TWF2: variants seen among roughly 807,000 people sequenced by gnomAD.
TWF2 encodes twinfilin actin binding protein 2, also known as twinfilin-2.
A neutral mutation model predicts 45.1 loss-of-function variants in TWF2; 15 were observed. The ratio of observed to expected loss-of-function variants is 0.33; its 90% CI spans 0.22 to 0.51. The LOEUF (loss-of-function observed/expected upper bound fraction) is 0.51. TWF2 is among the 20% of genes least tolerant of loss of function. TWF2 has a pLI of 0.97. For synonymous variants in TWF2, 177 were observed against 195.8 expected (o/e 0.90, Z 0.80); for missense variants, 423 against 469.1 (o/e 0.90, Z 0.91).
chr3:52,231,145 C>T lies in TWF2; in HGVS notation c.465G>A (p.Gln155=). 1.2e-6 allele frequency: 2 copies of T among 1,614,090 alleles called. No individual in the cohort carries two copies. Among genetic ancestry groups the T allele is most frequent in the Non-Finnish European group, 1.7e-6 (2 of 1,179,972 alleles). Residue 155 remains glutamine, a synonymous_variant, in exon 5 of 9, where the codon CAG becomes CAA. Coordinates refer to ENST00000305533, the MANE Select transcript of TWF2 (RefSeq NM_007284.4). ...CACCCACCTCGTTAATGCGGATCTG[C>T]TGGAGCTCTCTCTCAGCCGAGGTCA... The part of the protein sequence containing the change: ...APLTSAEREL[Q]QIRINEVKTE...
rs751974151 is a variant in TWF2 at position 52,229,173 on chromosome 3, G to A, written c.911C>T (p.Thr304Met). ...CACCTCGTCGTAGAGGAACTCTGCC[G>A]TCAGCTCTGCCCCATCGCCAATCTC... is the stretch of plus-strand genomic sequence containing the variant. ...KIEIGDGAELTAEFLYDEVHP... is the reference protein window; with the variant it reads ...KIEIGDGAELMAEFLYDEVHP... The change falls in exon 9 of 9, where the codon ACG becomes ATG. Residue 304 changes from threonine (T) to methionine (M), a missense_variant. Coordinates refer to ENST00000305533, the MANE Select transcript of TWF2 (RefSeq NM_007284.4). The A allele has an allele frequency of 1.1e-5, 18 of 1,612,304 alleles. No individual in the cohort carries two copies. Among genetic ancestry groups the A allele is most frequent in the African/African-American group, 2.7e-5 (2 of 74,928 alleles).
chr3:52,234,568 A>C (rs1352955578), intron 2 of TWF2, among the ~76,000 whole-genome samples: 2 of 152,062 alleles, frequency 1.3e-5, no homozygotes, highest in Non-Finnish European at 1.5e-5. Context: ...TCTCCCCATC[A>C]TGGGGGCACT....
intron 1 of TWF2, among the ~76,000 whole-genome samples, chr3:52,238,126 G>A (rs1315953857): frequency 6.6e-6 from 1 of 152,208 alleles, no homozygotes; most frequent in Non-Finnish European, 1.5e-5. Context: ...GCTTCCTAGG[G>A]CTGGGGGCTG....
chr3:52,231,753 G>C (rs934667439), intron 3 of TWF2, among the ~76,000 whole-genome samples, 191 bp downstream of exon 3: 6 of 152,228 alleles, frequency 3.9e-5, no homozygotes. Flanking sequence ...GATGCCTGGA[G>C]AGCAAGAGGT....
At chr3:52,231,823 C>A (rs1236911521) in intron 3 of TWF2, 121 bp downstream of exon 3, 12 of 1,420,186 alleles carry the variant, frequency 8.4e-6, no homozygotes, top group African/African-American at 1.4e-5. Flanking sequence ...CACGGCCTGA[C>A]AGCTCTTCCC....
rs1275188185 is a variant in TWF2, at chr3:52,231,573, T to C, written c.283-34A>G. 2.5e-6 allele frequency: 4 copies of C among 1,589,310 alleles called. No individual in the cohort carries two copies. In the South Asian group the frequency reaches 4.5e-5, roughly 18 times the overall value. On this transcript the variant is annotated intron_variant, in intron 3 of 8. Coordinates refer to ENST00000305533, the MANE Select transcript of TWF2 (RefSeq NM_007284.4). ...CAAGGGCCAAACCGTAAGAGGCCTC[T>C]GGGCAGGGCTGCCTCTCCCGGAACA...
In TWF2 at chr3:52,228,979, GAGCGGAAGGTGGGCAGCCCCAC is replaced by G. The variant is rs891440059; in HGVS notation, c.*33_*54del. Reference sequence around the variant, plus strand: ...GCCCAGGAAGGAGGATGGTGGCAGGGAGCGGAAGGTGGGCAGCCCCACAGTCCACACGTGGCCGGCCCTGCTC... The same window carrying G: ...GCCCAGGAAGGAGGATGGTGGCAGGGAGTCCACACGTGGCCGGCCCTGCTC... On this transcript the variant is annotated 3_prime_UTR_variant, in exon 9 of 9. Transcript: ENST00000305533. 6.4e-6 allele frequency: 10 copies of G among 1,569,906 alleles called. No individual in the cohort carries two copies. In the African/African-American group the frequency reaches 1.4e-4, roughly 21 times the overall value.
In TWF2 at chr3:52,229,966, G is replaced by A. The variant is rs1699663309; in HGVS notation, c.714C>T (p.Phe238=). 4.3e-6 allele frequency: 7 copies of A among 1,613,256 alleles called. No individual in the cohort carries two copies. In the East Asian group the frequency reaches 6.7e-5, roughly 15 times the overall value. Residue 238 remains phenylalanine, a synonymous_variant, in exon 7 of 9, where the codon TTC becomes TTT. Coordinates refer to ENST00000305533, the MANE Select transcript of TWF2 (RefSeq NM_007284.4). ...CCTCATGGGTGTGCTTGTAGAGGAA[G>A]AAGTGGTAGCGGGCAGCATCTCGGG... ...RVPRDAARYH[F]FLYKHTHEGD...
At chr3:52,237,058 A>G in intron 1 of TWF2, among the ~76,000 whole-genome samples, 1 of 152,172 alleles carries the variant, frequency 6.6e-6, no homozygotes, top group East Asian at 1.9e-4. Flanking sequence ...TATTATGATA[A>G]TAACAGCAAG....
chr3:52,229,710 C>T lies in TWF2; in HGVS notation c.833G>A (p.Arg278His), dbSNP rs377753240. The T allele has an allele frequency of 3.1e-6, 5 of 1,613,244 alleles. No individual in the cohort carries two copies. Among genetic ancestry groups the T allele is most frequent in the East Asian group, 4.5e-5 (2 of 44,904 alleles). The change falls in exon 8 of 9, where the codon CGC becomes CAC. Residue 278 changes from arginine (R) to histidine (H), a missense_variant. Arg to His is a conservative substitution (Grantham distance 29, BLOSUM62 0). Coordinates refer to ENST00000305533, the MANE Select transcript of TWF2 (RefSeq NM_007284.4). The part of the protein sequence containing the change: ...ERMLYSSCKS[R>H]LLDSVEQDFH... The stretch of plus-strand genomic sequence containing the variant: ...GTCCTGCTCCACGGAGTCGAGGAGG[C>T]GGCTCTTGCAGCTGGAGTAGAGCAT...
At chr3:52,231,338 C>T (rs565932762) in intron 4 of TWF2, 106 bp downstream of exon 4, 487 of 1,568,018 alleles carry the variant, frequency 3.1e-4, no homozygotes, top group Non-Finnish European at 3.9e-4. Context: ...CCCCAGCGCC[C>T]CCATCTTCCT....
At chr3:52,236,899 C>T (rs1213075410) in intron 1 of TWF2, among the ~76,000 whole-genome samples, 1 of 152,170 alleles carries the variant, frequency 6.6e-6, no homozygotes, top group Non-Finnish European at 1.5e-5. Context: ...TGGGGCTCCA[C>T]TTCTCCCTCA....
At position 52,229,065 on chromosome 3, in the gene TWF2, C is replaced by T. The variant is rs778846446; in HGVS notation, c.1019G>A (p.Arg340His). ...GGKRGHKRLIRGPGENGDDS is the reference protein window; with the variant it reads ...GGKRGHKRLIHGPGENGDDS ...GTCATCCCCATTTTCACCCGGGCCG[C>T]GGATGAGGCGCTTATGGCCCCGCTT... The change falls in exon 9 of 9, where the codon CGC becomes CAC. Residue 340 changes from arginine to histidine, a missense_variant. By Grantham distance (29) the Arg-to-His change is conservative. Transcript: ENST00000305533. 9.6e-5 allele frequency: 155 copies of T among 1,612,406 alleles called. No homozygotes were observed. The highest frequency in any genetic ancestry group is 1.3e-4 in the Non-Finnish European group (151 of 1,179,994).
chr3:52,238,782 T>G (rs749115036), intron 1 of TWF2, among the ~76,000 whole-genome samples: 1 of 152,210 alleles, frequency 6.6e-6, no homozygotes, highest in Non-Finnish European at 1.5e-5. Flanking sequence ...TCCACCCCAG[T>G]TGTGTACGTA....
chr3:52,229,654 C>A lies in TWF2; in HGVS notation c.882+7G>T, dbSNP rs761551028. ...TGGGGAGGTGAGGCCCTGGGGAGGG[C>A]GCCTACTTTCTTGGCGATCTCCAGA... On this transcript the variant is annotated splice_region_variant and intron_variant, in intron 8 of 8. Transcript: ENST00000305533. 7 of 1,612,854 alleles carry A rather than the reference C, an allele frequency of 4.3e-6. No individual in the cohort carries two copies. Among genetic ancestry groups the A allele is most frequent in the Non-Finnish European group, 5.9e-6 (7 of 1,179,808 alleles).
intron 7 of TWF2, 32 bp downstream of exon 7, chr3:52,229,888 A>G (rs759406321): frequency 1.2e-5 from 19 of 1,597,080 alleles, no homozygotes; most frequent in Non-Finnish European, 1.6e-5. Context: ...CCACCCAGCC[A>G]CAGGCTTGGG....
In TWF2 at chr3:52,231,470, T is replaced by G; in HGVS notation, c.352A>C (p.Lys118Gln). 6.2e-7 allele frequency: 1 copy of G among 1,614,068 alleles called. No homozygotes were observed. Among genetic ancestry groups the G allele is most frequent in the Non-Finnish European group, 8.5e-7 (1 of 1,179,972 alleles). ...TTCACAGTCCCGAAGAGCTCATCCT[T>G]GATGTGGCCACCTCCAAACTCCTTT... ...VKKEFGGGHIKDELFGTVKDD... is the reference protein window; with the variant it reads ...VKKEFGGGHIQDELFGTVKDD... Residue 118 changes from lysine to glutamine, a missense_variant, in exon 4 of 9, where the codon AAG (lysine) becomes CAG (glutamine). Coordinates refer to ENST00000305533, the MANE Select transcript of TWF2 (RefSeq NM_007284.4).
rs1045882190 is a variant in TWF2 at position 52,230,718 on chromosome 3, G to A, written c.609+152C>T. On this transcript the variant is annotated intron_variant, in intron 6 of 8. Transcript: ENST00000305533. ...AATAGGTAGGGATCAGGGAGGGGTG[G>A]GGTGGACCATGTGTTCCCACAAGCA... The A allele has an allele frequency of 8.2e-6, 10 of 1,212,908 alleles. No homozygotes were observed. The African/African-American group carries it at 1.5e-4, about 19-fold the overall frequency. The allele number at this position is 1,212,908 out of a possible 1,614,324, so 75.1% of individuals were successfully genotyped here.
intron 8 of TWF2, among the ~76,000 whole-genome samples, 157 bp from the exon 9 acceptor site, chr3:52,229,358 G>A (rs1454829599): frequency 6.6e-6 from 1 of 152,200 alleles, no homozygotes; most frequent in Non-Finnish European, 1.5e-5. Flanking sequence ...GCCACTCCCA[G>A]GAAAGCAAGA....
Sources: gnomAD v4.1 joint callset for allele counts (sites outside exome capture counted in the v4.1 genomes callset) on GRCh38, gnomAD v4.1.1 for gene constraint, MANE v1.5 for transcripts, NCBI Gene and HGNC (gene_info 2026-07-23, HGNC 2026-07-21) for gene names.